Variants in DNAJC24 observed in about 807,000 individuals in gnomAD.
DNAJC24 encodes dnaJ homolog subfamily C member 24.
A neutral mutation model predicts 18.0 loss-of-function variants in DNAJC24; 17 were observed. That is an observed-to-expected ratio of 0.94 (90% CI 0.65 to 1.42). The LOEUF (loss-of-function observed/expected upper bound fraction) is 1.42. Ranked by LOEUF, DNAJC24 falls within the 40% of genes most tolerant of loss-of-function variation. The pLI, the probability that DNAJC24 is intolerant of heterozygous loss-of-function variation, is 0.00. For missense variants in DNAJC24, 158 were observed against 175.6 expected (o/e 0.90, Z 0.57); for synonymous variants, 55 against 57.7 (o/e 0.95, Z 0.21).
chr11:31,404,486 G>A (rs1047008620), intron 2 of DNAJC24, among the ~76,000 whole-genome samples: 1 of 152,068 alleles, frequency 6.6e-6, no homozygotes, highest in Non-Finnish European at 1.5e-5. Flanking sequence ...TTGCAAGCTG[G>A]GGGTGGAAAG....
chr11:31,385,241 T>C (rs1179600049), intron 2 of DNAJC24: 1 of 152,222 alleles, frequency 6.6e-6, no homozygotes, highest in East Asian at 1.9e-4. Context: ...GCCAAAAAAC[T>C]GGTTATTCCA....
In DNAJC24 at chr11:31,430,525, T is replaced by C; in HGVS notation, c.*124T>C. On this transcript the variant is annotated 3_prime_UTR_variant, in exon 5 of 5. Coordinates refer to ENST00000465995, the MANE Select transcript of DNAJC24 (RefSeq NM_181706.5). Reference sequence around the variant, plus strand: ...GATTATTTGCAAAGAAAATATACAATTATCAAGCAGAGACCACCTCAGATT... The same window carrying C: ...GATTATTTGCAAAGAAAATATACAACTATCAAGCAGAGACCACCTCAGATT... 1 of 733,320 alleles carries C rather than the reference T, an allele frequency of 1.4e-6. No homozygotes were observed. The allele number at this position is 733,320 out of a possible 1,614,324, so 45.4% of individuals were successfully genotyped here.
At chr11:31,386,922 T>C (rs1952435959) in intron 2 of DNAJC24, among the ~76,000 whole-genome samples, 1 of 150,780 alleles carries the variant, frequency 6.6e-6, no homozygotes, top group Admixed American at 6.6e-5. Context: ...GACTGAAGAG[T>C]CTGTAGGCTT....
chr11:31,376,179 T>C (rs1245813256), intron 2 of DNAJC24, among the ~76,000 whole-genome samples: 1 of 152,222 alleles, frequency 6.6e-6, no homozygotes, highest in Non-Finnish European at 1.5e-5. Flanking sequence ...TGCTGCCATG[T>C]AAGACATGCT....
intron 2 of DNAJC24, among the ~76,000 whole-genome samples, chr11:31,410,599 G>T (rs1232120144): frequency 6.6e-6 from 1 of 152,208 alleles, no homozygotes; most frequent in Non-Finnish European, 1.5e-5. Flanking sequence ...TCAAAGCACT[G>T]TGTGCCTACC....
intron 4 of DNAJC24, among the ~76,000 whole-genome samples, chr11:31,429,129 T>TAA (rs1952893203): frequency 6.6e-6 from 1 of 152,020 alleles, no homozygotes; most frequent in Admixed American, 6.6e-5. Context: ...GCATTTGGAA[T>TAA]TCAAGATTAA....
Position 31,426,369 on chromosome 11 carries a change from TTTCTC to T in DNAJC24, c.319+17_319+21del. 2 of 1,469,492 alleles carry T rather than the reference TTTCTC, an allele frequency of 1.4e-6. No homozygotes were observed. The highest frequency in any genetic ancestry group is 9.2e-7 in the Non-Finnish European group (1 of 1,086,636). The allele number at this position is 1,469,492 out of a possible 1,614,324, so 91.0% of individuals were successfully genotyped here. A position where few individuals can be genotyped will look rare whatever the true frequency, so the allele number is the denominator to read the frequency against. ...CTTGGAATGAAGGTTGGATTTTTTTTTTCTCTTGACAACATTTAAAAAAAAAAGGA... is the reference window on the plus strand; with the variant it reads ...CTTGGAATGAAGGTTGGATTTTTTTTTTGACAACATTTAAAAAAAAAAGGA... On this transcript the variant is annotated intron_variant, in intron 4 of 4. Transcript: ENST00000465995.
chr11:31,420,431 T>A (rs7941168), intron 3 of DNAJC24, among the ~76,000 whole-genome samples: 58,435 of 151,876 alleles, frequency 0.38, 14,498 homozygotes, highest in African/African-American at 0.71. Context: ...AGCAGAGTAC[T>A]TCAGACTTCA....
chr11:31,426,594 A>T (rs1219665468), intron 4 of DNAJC24: 3 of 354,628 alleles, frequency 8.5e-6, no homozygotes, highest in African/African-American at 2.1e-5. Flanking sequence ...GATGTTAGGA[A>T]CATAAAGTTT....
chr11:31,401,526 T>C (rs1952601204), intron 2 of DNAJC24, among the ~76,000 whole-genome samples: 1 of 151,766 alleles, frequency 6.6e-6, no homozygotes, highest in Non-Finnish European at 1.5e-5. Flanking sequence ...ATCCTCCTGC[T>C]TCCCCTCCGC....
intron 2 of DNAJC24, among the ~76,000 whole-genome samples, chr11:31,409,693 T>G (rs1952688268): frequency 6.6e-6 from 1 of 152,198 alleles, no homozygotes. Context: ...AAGACTGTTA[T>G]GAATAAGACT....
At chr11:31,377,890 G>T (rs1952334160) in intron 2 of DNAJC24, among the ~76,000 whole-genome samples, 1 of 152,226 alleles carries the variant, frequency 6.6e-6, no homozygotes, top group African/African-American at 2.4e-5. Flanking sequence ...TCAGGAGTGT[G>T]CAGGATGGTC....
chr11:31,374,533 C>A (rs578257073), intron 2 of DNAJC24, among the ~76,000 whole-genome samples: 1 of 133,996 alleles, frequency 7.5e-6, no homozygotes, highest in East Asian at 2.0e-4. Context: ...TGTTTAATTT[C>A]ATGCTGTATA....
At chr11:31,376,253 G>T (rs1051785239) in intron 2 of DNAJC24, among the ~76,000 whole-genome samples, 3 of 152,148 alleles carry the variant, frequency 2.0e-5, no homozygotes, top group African/African-American at 7.2e-5. Flanking sequence ...CATTAAACCT[G>T]TTTTTCTTTA....
At chr11:31,402,292 A>G (rs1952607655) in intron 2 of DNAJC24, among the ~76,000 whole-genome samples, 1 of 152,150 alleles carries the variant, frequency 6.6e-6, no homozygotes. Flanking sequence ...TAAAAATGAT[A>G]CATACCTGTG....
chr11:31,405,839 G>T (rs1178572534), intron 2 of DNAJC24, among the ~76,000 whole-genome samples: 3 of 152,178 alleles, frequency 2.0e-5, no homozygotes, highest in African/African-American at 4.8e-5. Flanking sequence ...CCAGCATCTG[G>T]CAAGAGTTTT....
chr11:31,391,976 T>C (rs1952500946), intron 2 of DNAJC24, among the ~76,000 whole-genome samples: 1 of 152,156 alleles, frequency 6.6e-6, no homozygotes, highest in Non-Finnish European at 1.5e-5. Flanking sequence ...GACATTATAT[T>C]AAGTGAAATA....
intron 3 of DNAJC24, among the ~76,000 whole-genome samples, chr11:31,425,682 C>T (rs982054546): frequency 5.3e-5 from 8 of 152,058 alleles, no homozygotes; most frequent in Admixed American, 6.5e-5. Context: ...CTCCATTTAA[C>T]GTTAATTACC....
intron 2 of DNAJC24, among the ~76,000 whole-genome samples, chr11:31,378,548 C>T (rs1032556659): frequency 4.6e-5 from 7 of 152,030 alleles, no homozygotes; most frequent in African/African-American, 9.6e-5. Flanking sequence ...AACCAAGGCT[C>T]AGAGATTAAG....
Sources: gnomAD v4.1 joint callset for allele counts (sites outside exome capture counted in the v4.1 genomes callset) on GRCh38, gnomAD v4.1.1 for gene constraint, MANE v1.5 for transcripts, NCBI Gene and HGNC (gene_info 2026-07-23, HGNC 2026-07-21) for gene names.